Variants in EIF4E3 observed in about 807,000 individuals in gnomAD.
The protein encoded by EIF4E3 is eukaryotic translation initiation factor 4E type 3.
A neutral mutation model predicts 31.7 loss-of-function variants in EIF4E3; 26 were observed. The ratio of observed to expected loss-of-function variants is 0.82; its 90% confidence interval spans 0.60 to 1.14. EIF4E3 has a LOEUF of 1.14. EIF4E3 is among the 50% of genes most tolerant of loss of function. The pLI is 0.00. For synonymous variants in EIF4E3, 128 were observed against 107.7 expected, an observed-to-expected ratio of 1.19 and a Z score of -1.17; for missense variants, 304 against 270.9, an observed-to-expected ratio of 1.12 and a Z score of -0.86.
chr3:71,671,072 A>G (rs1217300592), downstream of EIF4E3, among the ~76,000 whole-genome samples: 1 of 152,192 alleles, frequency 6.6e-6, no homozygotes, highest in Non-Finnish European at 1.5e-5. Context: ...CTCTGTGTGC[A>G]GAGCTGTGTG....
intron 1 of EIF4E3, among the ~76,000 whole-genome samples, chr3:71,741,305 A>G (rs564370560): frequency 2.4e-4 from 36 of 152,278 alleles, no homozygotes; most frequent in African/African-American, 8.7e-4. Flanking sequence ...ACAATGAAAT[A>G]ATTTTTAAAG....
chr3:71,709,087 TA>T (rs1001067987), intron 2 of EIF4E3, among the ~76,000 whole-genome samples: 24 of 148,414 alleles, frequency 1.6e-4, no homozygotes, highest in East Asian at 1.4e-3. Context: ...GACCATAGCC[TA>T]AAAAAAAAAT....
At position 71,700,740 on chromosome 3, in the gene EIF4E3, GC is replaced by G. The variant is rs372720441; in HGVS notation, c.250-1033del. 2.1e-4 allele frequency among the ~76,000 whole-genome samples: 32 copies of G among 152,138 alleles called. No individual in the cohort carries two copies. The East Asian group carries it at 3.7e-3, about 17-fold the overall frequency. On this transcript the variant is annotated intron_variant, in intron 2 of 6. Transcript: ENST00000425534. ...AGAAACTACCTTAGACACTCTGTTT[GC>G]CCCTTATCTCTCCCCTGCTAAAGGA...
chr3:71,665,338 T>G, the EIF4E3 span, among the ~76,000 whole-genome samples: 1 of 152,216 alleles, frequency 6.6e-6, no homozygotes, highest in African/African-American at 2.4e-5. Context: ...AGTGATCCCA[T>G]GAAAGCCACG....
At chr3:71,745,800 T>C (rs188937652) in intron 1 of EIF4E3, among the ~76,000 whole-genome samples, 5 of 152,244 alleles carry the variant, frequency 3.3e-5, no homozygotes, top group Admixed American at 3.3e-4. Flanking sequence ...AGCTAGTAAA[T>C]ATAATGCAAA....
chr3:71,739,078 T>G (rs553546511), intron 1 of EIF4E3, among the ~76,000 whole-genome samples: 2 of 146,288 alleles, frequency 1.4e-5, no homozygotes, highest in South Asian at 4.3e-4. Flanking sequence ...ATACAACATA[T>G]TAAAGCATGT....
In EIF4E3 at chr3:71,725,379, C is replaced by A; in HGVS notation, c.-12G>T. The A allele has an allele frequency of 1.0e-6, 1 of 978,490 alleles. No homozygotes were observed. Among genetic ancestry groups the A allele is most frequent in the Non-Finnish European group, 1.2e-6 (1 of 826,742 alleles). 60.6% of individuals were successfully genotyped at this position (978,490 alleles called of 1,614,324 possible). A position where few individuals can be genotyped will look rare whatever the true frequency, so the allele number is the denominator to read the frequency against. On this transcript the variant is annotated 5_prime_UTR_variant, in exon 1 of 7. Transcript: ENST00000425534. The surrounding 1 kb of genome is among the most constrained non-coding windows in gnomAD (Gnocchi z 6.1). ...GGGGGCAGCGCCATTTTCTCCGCCC[C>A]GCCTGCAAGGCCGGCGGACGCGCGG...
chr3:71,750,856 C>T (rs533629910), intron 1 of EIF4E3, among the ~76,000 whole-genome samples: 23 of 151,904 alleles, frequency 1.5e-4, no homozygotes, highest in African/African-American at 4.8e-4. Flanking sequence ...CTCCGCCTCC[C>T]GGGTTCATGC....
intron 1 of EIF4E3, among the ~76,000 whole-genome samples, chr3:71,739,276 A>T (rs1024781937): frequency 3.9e-5 from 6 of 151,956 alleles, no homozygotes; most frequent in Non-Finnish European, 7.4e-5. Flanking sequence ...AAAATAAAAA[A>T]TTAATAAAAT....
At chr3:71,718,100 CAG>C (rs2049492098) in intron 1 of EIF4E3, among the ~76,000 whole-genome samples, 1 of 152,216 alleles carries the variant, frequency 6.6e-6, no homozygotes, top group Admixed American at 6.5e-5. Context: ...ACTTTAAAGG[CAG>C]AGTTATATCT....
chr3:71,710,204 C>G (rs1469386654), intron 2 of EIF4E3, among the ~76,000 whole-genome samples: 3 of 152,140 alleles, frequency 2.0e-5, no homozygotes, highest in Non-Finnish European at 4.4e-5. Context: ...CAGCAGGTGG[C>G]CAAGAGAAGA....
chr3:71,673,264 T>C (rs1453110824), downstream of EIF4E3, among the ~76,000 whole-genome samples: 3 of 152,220 alleles, frequency 2.0e-5, no homozygotes, highest in Non-Finnish European at 4.4e-5. Flanking sequence ...TAAGCAATCT[T>C]TATACATTCC....
intron 1 of EIF4E3, among the ~76,000 whole-genome samples, chr3:71,735,719 A>G (rs2049755820): frequency 6.6e-6 from 1 of 152,114 alleles, no homozygotes; most frequent in Non-Finnish European, 1.5e-5. Context: ...TCTACTTAAG[A>G]GGCAGCCTGA....
chr3:71,719,372 G>A (rs982925732), intron 1 of EIF4E3, among the ~76,000 whole-genome samples: 4 of 152,148 alleles, frequency 2.6e-5, no homozygotes, highest in East Asian at 1.9e-4. Context: ...GTCTGAATGA[G>A]TAGGTCTGGG....
At chr3:71,699,479 C>A (rs532851497) in intron 3 of EIF4E3, 135 bp downstream of exon 3, 1 of 785,186 alleles carries the variant, frequency 1.3e-6, no homozygotes. Flanking sequence ...TACCCCCAGA[C>A]CCTGGGCCAT....
chr3:71,705,125 GGTTC>G (rs2049271540), intron 2 of EIF4E3, among the ~76,000 whole-genome samples: 1 of 152,074 alleles, frequency 6.6e-6, no homozygotes, highest in Non-Finnish European at 1.5e-5. Context: ...TCAGCCAAGT[GGTTC>G]ACTCCAGGTC....
chr3:71,733,996 T>C (rs779436837), intron 1 of EIF4E3, among the ~76,000 whole-genome samples: 34 of 152,244 alleles, frequency 2.2e-4, no homozygotes, highest in Non-Finnish European at 4.0e-4. Flanking sequence ...CTTCAGTTAC[T>C]GAATCTCTTT....
chr3:71,730,123 A>T (rs2108133712), upstream of EIF4E3, among the ~76,000 whole-genome samples: 1 of 152,326 alleles, frequency 6.6e-6, no homozygotes, highest in South Asian at 2.1e-4. Flanking sequence ...GGTGTGTTGC[A>T]GCTGGTCAGT....
rs559278831 is a variant in EIF4E3 at position 71,709,021 on chromosome 3, T to A, written c.249+1391A>T. ...GGTAGCCACACGCAGCACCTTACAA[T>A]CAGATTCCTGGGACTTCATAATTAT... On this transcript the variant is annotated intron_variant, in intron 2 of 6. Coordinates refer to ENST00000425534, the MANE Select transcript of EIF4E3 (RefSeq NM_001134651.2). Among the ~76,000 whole-genome samples, 15 of 152,112 alleles carry A rather than the reference T, an allele frequency of 9.9e-5. No homozygotes were observed. In the South Asian group the frequency reaches 3.1e-3, roughly 32 times the overall value.
Sources: gnomAD v4.1 joint callset for allele counts (sites outside exome capture counted in the v4.1 genomes callset) on GRCh38, gnomAD v4.1.1 for gene constraint, Gnocchi (gnomAD v3.1) non-coding constraint, MANE v1.5 for transcripts, NCBI Gene and HGNC (gene_info 2026-07-23, HGNC 2026-07-21) for gene names.